Variants in CFAP74 observed in about 807,000 individuals in gnomAD.
CFAP74 encodes the protein cilia and flagella associated protein 74, also known as cilia- and flagella-associated protein 74.
A neutral mutation model predicts 188.9 loss-of-function variants in CFAP74; 124 were observed. That is an observed-to-expected ratio of 0.66 (90% CI 0.57 to 0.76). The LOEUF is 0.76. Ranked by LOEUF, CFAP74 falls within the 30% of genes least tolerant of loss-of-function variation. The pLI is 0.00. For missense variants in CFAP74, 2,198 were observed against 2,165.2 expected, an observed-to-expected ratio of 1.02 and a Z score of -0.30; for synonymous variants, 956 against 916.7, an observed-to-expected ratio of 1.04 and a Z score of -0.77.
rs538528278 is a variant in CFAP74 at position 1,976,936 on chromosome 1, C to G, written c.501-2738G>C. Among the ~76,000 whole-genome samples, 15 of 152,178 alleles carry G rather than the reference C, an allele frequency of 9.9e-5. No individual in the cohort carries two copies. In the East Asian group the frequency reaches 2.5e-3, roughly 25 times the overall value. On this transcript the variant is annotated intron_variant, in intron 6 of 38. Coordinates refer to ENST00000682832, the MANE Select transcript of CFAP74 (RefSeq NM_001304360.2). The stretch of plus-strand genomic sequence containing the variant: ...TCTCAGCTCACTGCAAGCTCCGCCT[C>G]CCGAGTTCACGCCATTCTCCTGCCT...
At chr1:1,952,917 C>T (rs1654293453) in intron 18 of CFAP74, among the ~76,000 whole-genome samples, 1 of 152,172 alleles carries the variant, frequency 6.6e-6, no homozygotes, top group Non-Finnish European at 1.5e-5. Context: ...CTTGGCCTCC[C>T]GAAGTGCTGG....
intron 31 of CFAP74, 25 bp downstream of exon 31, chr1:1,926,432 G>T: frequency 1.9e-6 from 3 of 1,550,222 alleles, no homozygotes; most frequent in Non-Finnish European, 2.6e-6. Flanking sequence ...CCCGCAGGCC[G>T]CCTGAGCTGG....
intron 1 of CFAP74, among the ~76,000 whole-genome samples, chr1:1,996,293 T>C (rs1657909709): frequency 6.6e-6 from 1 of 152,140 alleles, no homozygotes; most frequent in African/African-American, 2.4e-5. Context: ...CCAAACTCTC[T>C]ACAGTTTAAG....
At chr1:1,924,078 C>T (rs1651621481) in intron 34 of CFAP74, 149 bp from the exon 35 acceptor site, 1 of 664,414 alleles carries the variant, frequency 1.5e-6, no homozygotes, top group South Asian at 2.0e-5. Context: ...GCGCCCCCCA[C>T]TCCTCCCATG....
At chr1:1,976,681 T>C (rs1199572520) in intron 6 of CFAP74, among the ~76,000 whole-genome samples, 1 of 152,200 alleles carries the variant, frequency 6.6e-6, no homozygotes, top group Non-Finnish European at 1.5e-5. Flanking sequence ...TAGCTGGGAT[T>C]ACAGGCATGC....
chr1:1,942,055 T>C lies in CFAP74; in HGVS notation c.2588A>G (p.Tyr863Cys), dbSNP rs1050802067. The C allele has an allele frequency of 6.5e-6, 10 of 1,529,418 alleles. No homozygotes were observed. Among genetic ancestry groups the C allele is most frequent in the African/African-American group, 1.4e-5 (1 of 72,728 alleles). The allele number at this position is 1,529,418 out of a possible 1,614,324, so 94.7% of individuals were successfully genotyped here. ...CGGCAGGAACTTGAGCTGCACGGAG[T>C]AGGACGACTGTGCCTGGATATAGCC... is the stretch of plus-strand genomic sequence containing the variant. ...KTGYIQAQSS[Y>C]SVQLKFLPRH... Residue 863 changes from tyrosine to cysteine, a missense_variant, in exon 22 of 39, where the codon TAC (tyrosine) becomes TGC (cysteine). Coordinates refer to ENST00000682832, the MANE Select transcript of CFAP74 (RefSeq NM_001304360.2). This position sits in a 1 kb window ranked among gnomAD's most constrained non-coding sequence, Gnocchi z 4.3.
rs988044040 is a variant in CFAP74, at chr1:2,003,739, G to A, written c.-58C>T. 1.6e-4 allele frequency: 25 copies of A among 152,622 alleles called. No homozygotes were observed. Among genetic ancestry groups the A allele is most frequent in the African/African-American group, 6.0e-4 (25 of 41,590 alleles). 9.5% of individuals were successfully genotyped at this position (152,622 alleles called of 1,614,324 possible). A position where few individuals can be genotyped will look rare whatever the true frequency, so the allele number is the denominator to read the frequency against. The stretch of plus-strand genomic sequence containing the variant: ...GGGTCCCAGGTTCTCGGGCTCCGGA[G>A]GCACAGACACCCCGGGCTGCTCAGG... On this transcript the variant is annotated 5_prime_UTR_variant, in exon 1 of 39. Transcript: ENST00000682832.
chr1:1,933,084 C>T (rs1207874716), intron 25 of CFAP74, among the ~76,000 whole-genome samples: 1 of 151,126 alleles, frequency 6.6e-6, no homozygotes, highest in Non-Finnish European at 1.5e-5. Flanking sequence ...GACGGGGTTT[C>T]AACGTGTTAG....
chr1:1,998,990 T>G (rs1042237072), intron 1 of CFAP74, among the ~76,000 whole-genome samples: 1 of 152,224 alleles, frequency 6.6e-6, no homozygotes, highest in Non-Finnish European at 1.5e-5. Flanking sequence ...CCTTCCAGAT[T>G]GCTCTATAGA....
chr1:1,955,115 C>G, intron 18 of CFAP74: 2 of 1,148,408 alleles, frequency 1.7e-6, no homozygotes, highest in Non-Finnish European at 2.2e-6. Context: ...GGCCCAGCTC[C>G]GCGCTGAGCT....
At chr1:1,938,826 C>T in intron 25 of CFAP74, 29 bp downstream of exon 25, 1 of 1,534,242 alleles carries the variant, frequency 6.5e-7, no homozygotes, top group South Asian at 1.2e-5. Context: ...CTCCAGGCCC[C>T]CTGCGTCCCC....
At chr1:1,993,688 A>T (rs2102113890) in intron 1 of CFAP74, among the ~76,000 whole-genome samples, 1 of 152,136 alleles carries the variant, frequency 6.6e-6, no homozygotes, top group East Asian at 1.9e-4. Context: ...CTGATGTCAA[A>T]TGCTTATAAA....
chr1:1,926,995 C>CT lies in CFAP74; in HGVS notation c.3560_3561insA (p.Leu1188AlafsTer9). 6.5e-7 allele frequency: 1 copy of CT among 1,550,268 alleles called. No homozygotes were observed. Among genetic ancestry groups the CT allele is most frequent in the Non-Finnish European group, 8.7e-7 (1 of 1,146,884 alleles). On this transcript the variant is annotated frameshift_variant, in exon 29 of 39. Transcript: ENST00000682832. LOFTEE classifies it high-confidence loss of function. ...CAAACTTCGCCTGGAACGCTCTGAGCAGGGTGGCTCGGGCGGCCTGGTACT... is the reference window on the plus strand; with the variant it reads ...CAAACTTCGCCTGGAACGCTCTGAGCTAGGGTGGCTCGGGCGGCCTGGTACT...
intron 4 of CFAP74, among the ~76,000 whole-genome samples, chr1:1,987,702 C>T (rs72896710): frequency 0.18 from 26,677 of 152,084 alleles, 2,418 homozygotes; most frequent in Middle Eastern, 0.29. Context: ...CCACCACGCA[C>T]AGCTAATTTT....
chr1:1,929,972 A>G, intron 26 of CFAP74, 88 bp downstream of exon 26: 2 of 1,357,248 alleles, frequency 1.5e-6, no homozygotes, highest in Non-Finnish European at 2.0e-6. Flanking sequence ...CCCTGTGGTT[A>G]AGGGTGGGCA....
intron 17 of CFAP74, among the ~76,000 whole-genome samples, 176 bp downstream of exon 17, chr1:1,956,444 T>A (rs1341155404): frequency 6.6e-6 from 1 of 152,156 alleles, no homozygotes; most frequent in Admixed American, 6.5e-5. Flanking sequence ...ACTGCAGGTG[T>A]CCTACAGAAG....
chr1:1,959,797 T>TG (rs1477147623), intron 15 of CFAP74, among the ~76,000 whole-genome samples, 167 bp downstream of exon 15: 2 of 152,204 alleles, frequency 1.3e-5, no homozygotes, highest in African/African-American at 4.8e-5. Context: ...TTCAGGAATA[T>TG]GTTGAGTGTA....
intron 10 of CFAP74, among the ~76,000 whole-genome samples, chr1:1,969,707 C>T (rs888345821): frequency 6.6e-6 from 1 of 152,260 alleles, no homozygotes; most frequent in Non-Finnish European, 1.5e-5. Flanking sequence ...CCAGGACCCC[C>T]CCGCCCAGGT....
At chr1:1,951,066 C>T (rs1398367991) in intron 18 of CFAP74, among the ~76,000 whole-genome samples, 1 of 152,128 alleles carries the variant, frequency 6.6e-6, no homozygotes, top group Non-Finnish European at 1.5e-5. Context: ...CTGCCCGAGA[C>T]TGGGTAATTT....
Sources: allele counts gnomAD v4.1 joint callset (sites outside exome capture counted in the v4.1 genomes callset), GRCh38; gene constraint gnomAD v4.1.1; non-coding constraint Gnocchi (gnomAD v3.1); transcripts MANE v1.5; gene names NCBI Gene and HGNC (gene_info 2026-07-23, HGNC 2026-07-21).